The following RNF150 variants were observed in gnomAD, a reference collection of about 807,000 sequenced individuals.
RNF150 encodes the protein ring finger protein 150.
RNF150 carries 24 observed loss-of-function variants against 39.3 expected under a neutral mutation model. That is an observed-to-expected ratio of 0.61 (90% CI 0.44 to 0.86). The LOEUF (loss-of-function observed/expected upper bound fraction) is 0.86, where lower values mean the gene tolerates loss of function less well. RNF150 is among the 40% of genes least tolerant of loss of function. The probability of loss-of-function intolerance (pLI) is 0.00; values close to 1 mark genes in which losing one functional copy is unlikely to be tolerated. For synonymous variants in RNF150, 255 were observed against 227.3 expected (o/e 1.12, Z -1.10); for missense variants, 502 against 587.8 (o/e 0.85, Z 1.51).
intron 1 of RNF150, among the ~76,000 whole-genome samples, chr4:141,188,674 T>G (rs1300634403): frequency 6.6e-6 from 1 of 152,232 alleles, no homozygotes; most frequent in Non-Finnish European, 1.5e-5. Flanking sequence ...CACGAAGGTC[T>G]CATGCTGTGT....
chr4:140,943,604 C>A lies in RNF150; in HGVS notation c.890+4050G>T, dbSNP rs150105069. Reference sequence around the variant, plus strand: ...CATTGTGTTATTATTGTTACACATACCATTCTCTATCATGAATACTTATTT... The same window carrying A: ...CATTGTGTTATTATTGTTACACATAACATTCTCTATCATGAATACTTATTT... On this transcript the variant is annotated intron_variant, in intron 4 of 6. Transcript: ENST00000515673. Among the ~76,000 whole-genome samples, 1,035 of 152,272 alleles carry A rather than the reference C, an allele frequency of 6.8e-3. 7 individuals carry two copies. Among genetic ancestry groups the A allele is most frequent in the African/African-American group, 0.024 (979 of 41,548 alleles).
intron 1 of RNF150, among the ~76,000 whole-genome samples, chr4:141,145,146 C>T (rs1282441052): frequency 1.3e-5 from 2 of 152,082 alleles, no homozygotes; most frequent in Non-Finnish European, 2.9e-5. Context: ...CACTTCAATT[C>T]CCAAACTAGT....
intron 1 of RNF150, among the ~76,000 whole-genome samples, chr4:141,159,148 T>C (rs1401191918): frequency 2.0e-5 from 3 of 152,220 alleles, no homozygotes; most frequent in Non-Finnish European, 1.5e-5. Flanking sequence ...TTCCAAATTT[T>C]TGACCAGAGG....
chr4:141,073,124 A>G (rs1358452435), intron 1 of RNF150, among the ~76,000 whole-genome samples: 1 of 151,974 alleles, frequency 6.6e-6, no homozygotes, highest in Non-Finnish European at 1.5e-5. Flanking sequence ...AGCCAGGGAC[A>G]TGGTACCAAG....
chr4:141,190,563 T>C (rs1010687355), intron 1 of RNF150, among the ~76,000 whole-genome samples: 1 of 152,202 alleles, frequency 6.6e-6, no homozygotes, highest in Non-Finnish European at 1.5e-5. Flanking sequence ...GTCCTTGAGC[T>C]TCACATGACA....
chr4:140,882,984 C>T (rs917317084), intron 6 of RNF150, among the ~76,000 whole-genome samples: 1 of 151,810 alleles, frequency 6.6e-6, no homozygotes, highest in African/African-American at 2.4e-5. Flanking sequence ...TCTCTTGCTG[C>T]CTTCTTGTTA....
intron 2 of RNF150, among the ~76,000 whole-genome samples, chr4:140,951,972 G>C (rs1408834903): frequency 2.0e-5 from 3 of 151,980 alleles, no homozygotes; most frequent in African/African-American, 4.8e-5. Context: ...AAAAATATAT[G>C]TTCATACAAT....
At chr4:141,155,437 C>T (rs779557001) in intron 1 of RNF150, among the ~76,000 whole-genome samples, 10 of 151,986 alleles carry the variant, frequency 6.6e-5, no homozygotes, top group East Asian at 1.9e-4. Context: ...GCCTGCAAGC[C>T]GGCCATCCTA....
chr4:141,084,082 C>T lies in RNF150; in HGVS notation c.484+48243G>A, dbSNP rs146775966. Among the ~76,000 whole-genome samples the T allele has an allele frequency of 9.9e-5, 15 of 152,118 alleles. No homozygotes were observed. The East Asian group carries it at 2.9e-3, about 29-fold the overall frequency. On this transcript the variant is annotated intron_variant, in intron 1 of 6. Transcript: ENST00000515673. ...GAATGCATATTCAAATAGAATACAC[C>T]CATTTCATTCCTAGGCACAAACCAG...
chr4:140,898,657 C>T (rs1045575948), intron 6 of RNF150, among the ~76,000 whole-genome samples: 1 of 152,162 alleles, frequency 6.6e-6, no homozygotes, highest in African/African-American at 2.4e-5. Flanking sequence ...CTTGTGTATG[C>T]AAGTATTTAT....
chr4:141,071,470 A>G (rs947624133), intron 1 of RNF150, among the ~76,000 whole-genome samples: 5 of 152,050 alleles, frequency 3.3e-5, no homozygotes, highest in Non-Finnish European at 5.9e-5. Flanking sequence ...CATTATCAAC[A>G]AGAAAAAAGG....
intron 1 of RNF150, among the ~76,000 whole-genome samples, chr4:141,078,856 C>T (rs1738032811): frequency 7.3e-6 from 1 of 137,862 alleles, no homozygotes; most frequent in South Asian, 2.3e-4. Context: ...CACATACATA[C>T]ATACATATAT....
At chr4:141,122,527 A>T (rs935292953) in intron 1 of RNF150, among the ~76,000 whole-genome samples, 4 of 152,258 alleles carry the variant, frequency 2.6e-5, no homozygotes, top group Non-Finnish European at 5.9e-5. Flanking sequence ...CTACAGCTAC[A>T]CATGAATAGC....
At chr4:140,936,808 C>A (rs1731879421) in intron 4 of RNF150, among the ~76,000 whole-genome samples, 2 of 151,942 alleles carry the variant, frequency 1.3e-5, no homozygotes, top group African/African-American at 4.8e-5. Context: ...CAATCAATGA[C>A]AATTTATATT....
intron 1 of RNF150, among the ~76,000 whole-genome samples, chr4:141,073,221 C>A (rs1197189950): frequency 1.3e-5 from 2 of 152,124 alleles, no homozygotes; most frequent in African/African-American, 2.4e-5. Flanking sequence ...TACAGCCAGT[C>A]TTTCATCAGT....
At chr4:141,099,749 G>T (rs906318037) in intron 1 of RNF150, among the ~76,000 whole-genome samples, 2 of 151,890 alleles carry the variant, frequency 1.3e-5, no homozygotes, top group African/African-American at 4.8e-5. Flanking sequence ...TGACATGATG[G>T]TAAAGAGTGG....
At chr4:141,212,236 G>A (rs781108028) in intron 1 of RNF150, among the ~76,000 whole-genome samples, 30 of 152,168 alleles carry the variant, frequency 2.0e-4, no homozygotes, top group Non-Finnish European at 3.4e-4. Flanking sequence ...GCAACAAAAG[G>A]AACTTAGCAC....
At chr4:141,000,240 G>A (rs1368200835) in intron 1 of RNF150, among the ~76,000 whole-genome samples, 1 of 152,136 alleles carries the variant, frequency 6.6e-6, no homozygotes, top group East Asian at 1.9e-4. Context: ...GCCTCTTCAA[G>A]GAATCAGTGT....
At chr4:141,068,438 A>C (rs531830239) in intron 1 of RNF150, among the ~76,000 whole-genome samples, 1 of 152,178 alleles carries the variant, frequency 6.6e-6, no homozygotes, top group African/African-American at 2.4e-5. Context: ...TGGTACCAGT[A>C]CCATGCTGTT....
Sources: allele counts gnomAD v4.1 joint callset (sites outside exome capture counted in the v4.1 genomes callset), GRCh38; gene constraint gnomAD v4.1.1; transcripts MANE v1.5; gene names NCBI Gene and HGNC (gene_info 2026-07-23, HGNC 2026-07-21).